Variants in KCNT2 observed in about 807,000 individuals in gnomAD.
KCNT2 encodes the protein potassium channel subfamily T member 2.
KCNT2 carries 67 observed loss-of-function variants against 153.8 expected under a neutral mutation model. The ratio of observed to expected loss-of-function variants is 0.44; its 90% CI spans 0.36 to 0.53. The LOEUF (loss-of-function observed/expected upper bound fraction) is 0.53, where lower values mean the gene tolerates loss of function less well. Ranked by LOEUF, KCNT2 falls within the 20% of genes least tolerant of loss-of-function variation. The pLI is 0.00. For missense variants in KCNT2, 975 were observed against 1,354.8 expected (o/e 0.72, Z 4.40); for synonymous variants, 500 against 458.8 (o/e 1.09, Z -1.15).
At chr1:196,329,877 A>ATG (rs1214055522) in intron 18 of KCNT2, among the ~76,000 whole-genome samples, 1 of 123,452 alleles carries the variant, frequency 8.1e-6, no homozygotes. Context: ...ATATACACTT[A>ATG]TATGTGTGTG....
At chr1:196,372,983 CTT>C (rs1668660233) in intron 14 of KCNT2, among the ~76,000 whole-genome samples, 155 bp downstream of exon 14, 1 of 151,848 alleles carries the variant, frequency 6.6e-6, no homozygotes, top group South Asian at 2.1e-4. Flanking sequence ...TTTAACATGT[CTT>C]TATTTATCTA....
chr1:196,490,289 T>C (rs1160891171), intron 2 of KCNT2, among the ~76,000 whole-genome samples: 2 of 151,638 alleles, frequency 1.3e-5, no homozygotes, highest in Non-Finnish European at 3.0e-5. Context: ...AATTTTGGGA[T>C]AAACTTTGGC....
At chr1:196,370,320 T>G (rs1668412947) in intron 14 of KCNT2, among the ~76,000 whole-genome samples, 1 of 152,024 alleles carries the variant, frequency 6.6e-6, no homozygotes, top group Admixed American at 6.6e-5. Flanking sequence ...TGAGAAGCAT[T>G]AAAATACAGA....
In KCNT2 at chr1:196,449,026, C is replaced by G. The variant is rs1382657025; in HGVS notation, c.638+16267G>C. 2.0e-5 allele frequency among the ~76,000 whole-genome samples: 3 copies of G among 151,566 alleles called. No individual in the cohort carries two copies. The East Asian group carries it at 5.9e-4, about 30-fold the overall frequency. On this transcript the variant is annotated intron_variant, in intron 8 of 27. Coordinates refer to ENST00000294725, the MANE Select transcript of KCNT2 (RefSeq NM_198503.5). ...ATCTTTGCAGTTATTCAGCACTGGG[C>G]CCTGTTTGAATTTATAATCATAAAA...
chr1:196,286,282 G>A (rs920506451), intron 22 of KCNT2, among the ~76,000 whole-genome samples: 2 of 152,012 alleles, frequency 1.3e-5, no homozygotes, highest in Non-Finnish European at 2.9e-5. Flanking sequence ...AGTTCATGGA[G>A]GTGGAACCCT....
chr1:196,398,158 C>T (rs1671106009), intron 13 of KCNT2, among the ~76,000 whole-genome samples: 1 of 151,376 alleles, frequency 6.6e-6, no homozygotes, highest in Admixed American at 6.6e-5. Context: ...TAGTCTATTG[C>T]ATGGTAAGCC....
rs755200034 is a variant in KCNT2, at chr1:196,381,462, TTA to T, written c.1295-8216_1295-8215del. ...ATAATATTTCTGCTTTCATGCTAAGTTATATATATATATTATTAAACCTCTCA... is the reference window on the plus strand; with the variant it reads ...ATAATATTTCTGCTTTCATGCTAAGTTATATATATATTATTAAACCTCTCA... On this transcript the variant is annotated intron_variant, in intron 13 of 27. Transcript: ENST00000294725. Among the ~76,000 whole-genome samples the T allele has an allele frequency of 5.2e-3, 783 of 151,546 alleles. 5 individuals are homozygous for T. Among genetic ancestry groups the T allele is most frequent in the African/African-American group, 0.017 (703 of 41,334 alleles).
intron 25 of KCNT2, among the ~76,000 whole-genome samples, chr1:196,267,401 A>C (rs913529399): frequency 6.6e-6 from 1 of 152,180 alleles, no homozygotes; most frequent in Non-Finnish European, 1.5e-5. Context: ...TTAAGACAAA[A>C]CTAACATTTT....
At chr1:196,348,904 G>A (rs547548509) in intron 14 of KCNT2, among the ~76,000 whole-genome samples, 6 of 151,838 alleles carry the variant, frequency 4.0e-5, no homozygotes, top group East Asian at 3.9e-4. Flanking sequence ...ATGCCTGGGC[G>A]TGGTGGTGCA....
intron 1 of KCNT2, among the ~76,000 whole-genome samples, chr1:196,557,942 A>G (rs1168406129): frequency 6.6e-6 from 1 of 151,364 alleles, no homozygotes; most frequent in Non-Finnish European, 1.5e-5. Context: ...AGAAAAAGCA[A>G]TGAGATCTCA....
chr1:196,582,205 T>C (rs927191848), intron 1 of KCNT2, among the ~76,000 whole-genome samples: 3 of 152,032 alleles, frequency 2.0e-5, no homozygotes, highest in African/African-American at 7.2e-5. Context: ...AGTTCCTGGC[T>C]CTGCCATTTT....
At chr1:196,402,168 A>G (rs760511913) in intron 12 of KCNT2, among the ~76,000 whole-genome samples, 7 of 151,710 alleles carry the variant, frequency 4.6e-5, no homozygotes, top group East Asian at 2.0e-4. Flanking sequence ...GAATCATACT[A>G]CAAGAAAAGT....
At chr1:196,562,708 CTT>C (rs201012445) in intron 1 of KCNT2, among the ~76,000 whole-genome samples, 2 of 142,684 alleles carry the variant, frequency 1.4e-5, no homozygotes, top group African/African-American at 2.5e-5. Flanking sequence ...TCTTTCTTCT[CTT>C]TTTTTTTTTT....
intron 27 of KCNT2, among the ~76,000 whole-genome samples, chr1:196,230,486 T>G (rs182501425): frequency 1.3e-5 from 2 of 152,150 alleles, no homozygotes; most frequent in African/African-American, 4.8e-5. Context: ...GTATCATTCT[T>G]GCTAACACAA....
rs149017166 is a variant in KCNT2 at position 196,423,104 on chromosome 1, G to A, written c.1131C>T (p.Asp377=). 79 of 1,598,660 alleles carry A rather than the reference G, an allele frequency of 4.9e-5. No individual in the cohort carries two copies. The highest frequency in any genetic ancestry group is 2.2e-4 in the South Asian group (20 of 89,442). ...TACTGAGAATAAAACAGGCCTCAGC[G>A]TCATCCATCCTAAATACAGATGGAA... ...DQDLLRAKMD[D]AEACFILSSR... is the part of the protein sequence containing the mutation. Residue 377 remains aspartate, a synonymous_variant, in exon 12 of 28, where the codon GAC becomes GAT. Transcript: ENST00000294725.
At chr1:196,418,477 A>T (rs1672930253) in intron 12 of KCNT2, among the ~76,000 whole-genome samples, 1 of 152,100 alleles carries the variant, frequency 6.6e-6, no homozygotes, top group Non-Finnish European at 1.5e-5. Context: ...CAAGAACAAC[A>T]ACAACAACAA....
At chr1:196,513,702 CAT>C (rs1015528346) in intron 1 of KCNT2, among the ~76,000 whole-genome samples, 5 of 152,184 alleles carry the variant, frequency 3.3e-5, no homozygotes, top group Non-Finnish European at 5.9e-5. Context: ...AAGTGACACA[CAT>C]GTGTTCTTGC....
At chr1:196,290,050 A>T (rs929192501) in intron 22 of KCNT2, among the ~76,000 whole-genome samples, 5 of 152,032 alleles carry the variant, frequency 3.3e-5, no homozygotes, top group Non-Finnish European at 7.4e-5. Flanking sequence ...ATGGAATGAG[A>T]TGATAAAATT....
chr1:196,432,744 T>C (rs1674274280), intron 8 of KCNT2, among the ~76,000 whole-genome samples: 1 of 152,092 alleles, frequency 6.6e-6, no homozygotes, highest in African/African-American at 2.4e-5. Flanking sequence ...TGCCTCAGGG[T>C]GAATCATGCC....
Sources: gnomAD v4.1 joint callset for allele counts (sites outside exome capture counted in the v4.1 genomes callset) on GRCh38, gnomAD v4.1.1 for gene constraint, MANE v1.5 for transcripts, NCBI Gene and HGNC (gene_info 2026-07-23, HGNC 2026-07-21) for gene names.